Variants in LIPA observed in about 807,000 individuals in gnomAD.
LIPA encodes lipase A, lysosomal acid type.
In LIPA, 26 loss-of-function variants were observed where a neutral mutation model predicts 40.6. The observed-to-expected ratio is 0.64, with a 90% confidence interval of 0.47 to 0.89. LIPA has a LOEUF of 0.89. LIPA is among the 40% of genes least tolerant of loss of function. LIPA has a pLI of 0.00. For synonymous variants in LIPA, 188 were observed against 168.4 expected, an observed-to-expected ratio of 1.12 and a Z score of -0.90; for missense variants, 455 against 479.6, an observed-to-expected ratio of 0.95 and a Z score of 0.48.
intron 1 of LIPA, among the ~76,000 whole-genome samples, chr10:89,250,022 T>G (rs1016618580): frequency 3.9e-5 from 6 of 152,166 alleles, no homozygotes; most frequent in Non-Finnish European, 8.8e-5. Flanking sequence ...GAATTCCTCC[T>G]GGGATTATTT....
At chr10:89,359,840 CACAA>C (rs1447803933) in intron 2 of LIPA, among the ~76,000 whole-genome samples, 12 of 146,822 alleles carry the variant, frequency 8.2e-5, no homozygotes, top group African/African-American at 3.1e-4. Context: ...CACACACACA[CACAA>C]ACACACACAC....
At chr10:89,376,096 G>A (rs1177413871) in intron 2 of LIPA, among the ~76,000 whole-genome samples, 1 of 148,772 alleles carries the variant, frequency 6.7e-6, no homozygotes, top group Non-Finnish European at 1.5e-5. Context: ...GCTGAGGCAT[G>A]AGAATCACTT....
At chr10:89,321,101 A>C (rs1313121528) in intron 1 of LIPA, among the ~76,000 whole-genome samples, 2 of 152,074 alleles carry the variant, frequency 1.3e-5, no homozygotes, top group African/African-American at 4.8e-5. Context: ...GTTAGACCTA[A>C]AACCATAAAA....
chr10:89,218,547 C>G (rs1842656903), intron 8 of LIPA, among the ~76,000 whole-genome samples: 1 of 152,238 alleles, frequency 6.6e-6, no homozygotes, highest in South Asian at 2.1e-4. Context: ...ACATCCTCAT[C>G]CTCCTGCGAG....
At chr10:89,328,246 T>C (rs564221336) in intron 1 of LIPA, among the ~76,000 whole-genome samples, 167 of 152,352 alleles carry the variant, frequency 1.1e-3, no homozygotes, top group Non-Finnish European at 1.4e-3. Context: ...CCCTGTGGCT[T>C]TTTTTGGTGT....
At chr10:89,221,614 C>T (rs1244989468) in intron 8 of LIPA, among the ~76,000 whole-genome samples, 1 of 152,018 alleles carries the variant, frequency 6.6e-6, no homozygotes, top group African/African-American at 2.4e-5. Context: ...TGGTTTAGGG[C>T]TTAAATGGTG....
At position 89,281,974 on chromosome 10, in the gene LIPA, T is replaced by C. The variant is rs1179238345; in HGVS notation, c.-1-34325A>G. 2.6e-5 allele frequency among the ~76,000 whole-genome samples: 4 copies of C among 152,340 alleles called. No individual in the cohort carries two copies. In the East Asian group the frequency reaches 7.7e-4, roughly 29 times the overall value. ...TTATGGTACTATTAGAGTTTTCCCT[T>C]TAGTGTTCCATGTGCATTCACATGC... On this transcript the variant is annotated intron_variant, in intron 1 of 5. Coordinates refer to the LIPA transcript ENST00000282673.
intron 2 of LIPA, among the ~76,000 whole-genome samples, 146 bp downstream of exon 2, chr10:89,247,379 CAAAAAAAAAAAAA>C (rs71022556): frequency 5.3e-5 from 4 of 75,446 alleles, no homozygotes; most frequent in African/African-American, 1.7e-4. Context: ...GACTCTGCCT[CAAAAAAAAAAAAA>C]AAAAAAAAAA....
intron 1 of LIPA, among the ~76,000 whole-genome samples, chr10:89,322,189 G>T (rs11203065): frequency 0.26 from 39,049 of 152,020 alleles, 5,545 homozygotes; most frequent in East Asian, 0.63. Flanking sequence ...TGCGTGTTGT[G>T]CACATGTATC....
chr10:89,413,779 A>AAC (rs1554882518), intron 1 of LIPA, among the ~76,000 whole-genome samples: 13 of 148,844 alleles, frequency 8.7e-5, no homozygotes, highest in African/African-American at 3.2e-4. Context: ...AAAAAAAAAA[A>AAC]AAACCAAAAT....
chr10:89,226,058 A>C (rs1401293415), intron 5 of LIPA, among the ~76,000 whole-genome samples: 1 of 152,170 alleles, frequency 6.6e-6, no homozygotes, highest in Non-Finnish European at 1.5e-5. Context: ...AAACGAATTA[A>C]TACAACCCTC....
chr10:89,356,285 C>T (rs1006115678), intron 2 of LIPA, among the ~76,000 whole-genome samples: 1 of 152,144 alleles, frequency 6.6e-6, no homozygotes, highest in Admixed American at 6.5e-5. Context: ...TCCAGCACCT[C>T]AATGTGTTCA....
intron 2 of LIPA, chr10:89,403,700 A>T (rs759911243): frequency 2.2e-5 from 35 of 1,581,822 alleles, no homozygotes; most frequent in Non-Finnish European, 2.9e-5. Context: ...ACTCTGTGAG[A>T]CAAGGTCCTT....
chr10:89,246,987 A>G (rs1488234933), intron 2 of LIPA, among the ~76,000 whole-genome samples: 1 of 152,206 alleles, frequency 6.6e-6, no homozygotes, highest in Non-Finnish European at 1.5e-5. Flanking sequence ...ATCATAATTT[A>G]TCTTATTAAG....
chr10:89,243,815 T>G (rs972262525), intron 3 of LIPA, among the ~76,000 whole-genome samples: 2 of 152,232 alleles, frequency 1.3e-5, no homozygotes, highest in Non-Finnish European at 2.9e-5. Context: ...GAGAGAAGTC[T>G]GAAGCTGGAT....
At chr10:89,282,556 C>T (rs1165818640) in intron 1 of LIPA, among the ~76,000 whole-genome samples, 1 of 152,120 alleles carries the variant, frequency 6.6e-6, no homozygotes, top group African/African-American at 2.4e-5. Context: ...AGGAGAATCG[C>T]TTGAACCCAG....
At chr10:89,224,668 T>C (rs961172724) in intron 6 of LIPA, among the ~76,000 whole-genome samples, 9 of 152,192 alleles carry the variant, frequency 5.9e-5, no homozygotes, top group African/African-American at 2.2e-4. Flanking sequence ...TATTATAAAA[T>C]ACAATAATGA....
chr10:89,339,792 G>A, intron 1 of LIPA: 1 of 1,614,188 alleles, frequency 6.2e-7, no homozygotes, highest in South Asian at 1.1e-5. Context: ...ACACTGCTGT[G>A]CAACATGGTT....
intron 1 of LIPA, chr10:89,308,996 G>A (rs1013560521): frequency 1.3e-5 from 2 of 152,160 alleles, no homozygotes; most frequent in Admixed American, 6.5e-5. Context: ...TAAATGAAAC[G>A]TTACACAGGT....
Sources: gnomAD v4.1 joint callset for allele counts (sites outside exome capture counted in the v4.1 genomes callset) on GRCh38, gnomAD v4.1.1 for gene constraint, MANE v1.5 for transcripts, NCBI Gene and HGNC (gene_info 2026-07-23, HGNC 2026-07-21) for gene names.